EYS: variants seen among roughly 807,000 people sequenced by gnomAD.
EYS encodes protein eyes shut homolog.
In EYS, 250 loss-of-function variants were observed where a neutral mutation model predicts 282.1. The observed-to-expected ratio is 0.89, with a 90% CI of 0.80 to 0.98. The LOEUF (loss-of-function observed/expected upper bound fraction) is 0.98, where lower values mean the gene tolerates loss of function less well. Among genes scored for constraint, EYS ranks in the 50% least tolerant of loss-of-function variants. The pLI, the probability that EYS is intolerant of heterozygous loss-of-function variation, is 0.00. For synonymous variants in EYS, 1,355 were observed against 1,282.9 expected (o/e 1.06, Z -1.20); for missense variants, 4,016 against 3,709.0 (o/e 1.08, Z -2.15).
rs114787406 is a variant in EYS, at chr6:63,723,002, G to C, written c.8234-1205C>G. Reference sequence around the variant, plus strand: ...TTTATGAGAACAGGGTCTGTGTTTGGTTTGGTCCAACAGTTGATTCCCAGC... The same window carrying C: ...TTTATGAGAACAGGGTCTGTGTTTGCTTTGGTCCAACAGTTGATTCCCAGC... On this transcript the variant is annotated intron_variant, in intron 42 of 42. Transcript: ENST00000503581. Among the ~76,000 whole-genome samples the C allele has an allele frequency of 5.8e-3, 879 of 152,270 alleles. 2 individuals are homozygous for C. Among genetic ancestry groups the C allele is most frequent in the Non-Finnish European group, 9.4e-3 (637 of 68,026 alleles).
chr6:63,788,154 GTA>G lies in EYS; in HGVS notation c.7672_7673del (p.Tyr2558HisfsTer12). ...CTCCATTTGGTAAGAGATCTGGAGTGTATTCACTGTAGCCACCTACATAAAAC... is the reference window on the plus strand; with the variant it reads ...CTCCATTTGGTAAGAGATCTGGAGTGTTCACTGTAGCCACCTACATAAAAC... ...SQFYVGGYSE[Y>X]TPDLLPNGAD... On this transcript the variant is annotated frameshift_variant, in exon 39 of 43. Coordinates refer to ENST00000503581, the MANE Select transcript of EYS (RefSeq NM_001142800.2). LOFTEE classifies it high-confidence loss of function. 2.6e-6 allele frequency: 4 copies of G among 1,549,224 alleles called. No individual in the cohort carries two copies. The highest frequency in any genetic ancestry group is 3.5e-6 in the Non-Finnish European group (4 of 1,146,108).
At chr6:64,715,009 T>G (rs1042866745) in intron 22 of EYS, among the ~76,000 whole-genome samples, 2 of 151,844 alleles carry the variant, frequency 1.3e-5, no homozygotes, top group African/African-American at 4.8e-5. Context: ...ATTGTATTAA[T>G]AGTTTAAAGC....
chr6:64,985,362 A>G (rs1770821517), intron 14 of EYS, among the ~76,000 whole-genome samples: 3 of 151,630 alleles, frequency 2.0e-5, no homozygotes, highest in African/African-American at 7.2e-5. Context: ...GCCTATCAGG[A>G]AGTACCTCAG....
chr6:64,337,477 G>A (rs1192490841), intron 29 of EYS, among the ~76,000 whole-genome samples: 3 of 151,854 alleles, frequency 2.0e-5, no homozygotes, highest in Non-Finnish European at 4.4e-5. Context: ...GTGAGATTGA[G>A]GTGGTAATTA....
At chr6:65,279,191 T>TA (rs201358637) in intron 12 of EYS, among the ~76,000 whole-genome samples, 2,363 of 146,248 alleles carry the variant, frequency 0.016, 30 homozygotes, top group South Asian at 0.025. Flanking sequence ...TCTGGCTCTA[T>TA]AAAAAAAAAT....
At chr6:64,728,099 G>A (rs78339177) in intron 22 of EYS, among the ~76,000 whole-genome samples, 1 of 152,106 alleles carries the variant, frequency 6.6e-6, no homozygotes, top group Admixed American at 6.5e-5. Flanking sequence ...TTGAGGAGGG[G>A]AGTGCAGGTG....
At chr6:63,776,755 G>A (rs149246184) in intron 40 of EYS, among the ~76,000 whole-genome samples, 10 of 152,070 alleles carry the variant, frequency 6.6e-5, no homozygotes, top group Admixed American at 2.6e-4. Context: ...ATGGAATAAC[G>A]TAGGGTGGGG....
chr6:65,280,861 A>AT (rs1215982565), intron 12 of EYS, among the ~76,000 whole-genome samples: 7 of 135,868 alleles, frequency 5.2e-5, no homozygotes, highest in South Asian at 2.2e-4. Context: ...GTACTAAAAA[A>AT]AAAAATATAT....
At chr6:65,390,569 A>G (rs1225990414) in intron 7 of EYS, among the ~76,000 whole-genome samples, 1 of 148,820 alleles carries the variant, frequency 6.7e-6, no homozygotes, top group Non-Finnish European at 1.5e-5. Flanking sequence ...TTTCAGTGAG[A>G]AAAAAAAAAG....
chr6:64,732,878 C>T (rs6900246), intron 22 of EYS, among the ~76,000 whole-genome samples: 132,109 of 152,242 alleles, frequency 0.87, 57,368 homozygotes, highest in African/African-American at 0.89. Context: ...TGATGTATAA[C>T]GTGAAACCTC....
chr6:65,167,028 A>G (rs1294992110), intron 12 of EYS, among the ~76,000 whole-genome samples: 1 of 151,248 alleles, frequency 6.6e-6, no homozygotes, highest in Non-Finnish European at 1.5e-5. Flanking sequence ...ACAACAATTA[A>G]AAAAAGATGT....
intron 41 of EYS, among the ~76,000 whole-genome samples, chr6:63,747,251 G>A (rs975309379): frequency 3.3e-5 from 5 of 152,170 alleles, no homozygotes; most frequent in Non-Finnish European, 5.9e-5. Flanking sequence ...ACACAGTTGT[G>A]TGGTTTTGAG....
intron 33 of EYS, among the ~76,000 whole-genome samples, chr6:64,043,147 T>C (rs1770465786): frequency 6.6e-6 from 1 of 152,250 alleles, no homozygotes; most frequent in Non-Finnish European, 1.5e-5. Flanking sequence ...AGGTACTGAA[T>C]AGACATTTTT....
At chr6:64,085,810 A>G (rs1772138392) in intron 31 of EYS, among the ~76,000 whole-genome samples, 2 of 152,200 alleles carry the variant, frequency 1.3e-5, no homozygotes, top group Non-Finnish European at 2.9e-5. Flanking sequence ...TTGGCCTTCT[A>G]CACACAATCT....
At chr6:65,365,119 C>G (rs866583430) in intron 8 of EYS, among the ~76,000 whole-genome samples, 16 of 151,828 alleles carry the variant, frequency 1.1e-4, no homozygotes, top group Middle Eastern at 3.4e-3. Flanking sequence ...TCTAGGGAAA[C>G]TTGGTAACCA....
intron 33 of EYS, among the ~76,000 whole-genome samples, chr6:64,044,519 A>G (rs867046015): frequency 6.0e-4 from 92 of 152,350 alleles, no homozygotes; most frequent in African/African-American, 2.1e-3. Context: ...GTGAGTGGCC[A>G]TACCCTGGTG....
intron 11 of EYS, among the ~76,000 whole-genome samples, chr6:65,322,663 C>T (rs748689319): frequency 2.0e-4 from 31 of 151,918 alleles, no homozygotes; most frequent in South Asian, 1.2e-3. Flanking sequence ...GGCCTGGGGG[C>T]GCGCGCCTGT....
At chr6:64,197,911 G>A (rs921772064) in intron 31 of EYS, among the ~76,000 whole-genome samples, 1 of 151,372 alleles carries the variant, frequency 6.6e-6, no homozygotes, top group Admixed American at 6.6e-5. Context: ...TGACTCTAAT[G>A]ACTTAAATGG....
In EYS at chr6:65,149,296, A is replaced by G. The variant is rs146643908; in HGVS notation, c.2024-91569T>C. 1.8e-3 allele frequency among the ~76,000 whole-genome samples: 281 copies of G among 152,214 alleles called. 1 individual carries two copies. The highest frequency in any genetic ancestry group is 6.5e-3 in the African/African-American group (270 of 41,540). ...CAGATATCCTAAATCATGTCTTCCC[A>G]AGTTCAAAGTTCCACAGATCTCTAG... On this transcript the variant is annotated intron_variant, in intron 12 of 42. Transcript: ENST00000503581.
Sources: gnomAD v4.1 joint callset for allele counts (sites outside exome capture counted in the v4.1 genomes callset) on GRCh38, gnomAD v4.1.1 for gene constraint, MANE v1.5 for transcripts, NCBI Gene and HGNC (gene_info 2026-07-23, HGNC 2026-07-21) for gene names.